Variants in ELOVL6 observed in about 807,000 individuals in gnomAD.
The protein encoded by ELOVL6 is very long chain fatty acid elongase 6.
In ELOVL6, 8 loss-of-function variants were observed where a neutral mutation model predicts 31.7. The observed-to-expected ratio is 0.25, with a 90% CI of 0.15 to 0.45. The LOEUF is 0.45. Ranked by LOEUF, ELOVL6 falls within the 20% of genes least tolerant of loss-of-function variation. The pLI, the probability that ELOVL6 is intolerant of heterozygous loss-of-function variation, is 1.00. For missense variants in ELOVL6, 126 were observed against 326.4 expected (o/e 0.39, Z 4.73); for synonymous variants, 101 against 117.7 (o/e 0.86, Z 0.92).
intron 2 of ELOVL6, among the ~76,000 whole-genome samples, chr4:110,065,878 A>AT (rs1755285568): frequency 6.6e-6 from 1 of 152,128 alleles, no homozygotes. Flanking sequence ...TTAAAAAAAA[A>AT]TTTTTACATT....
chr4:110,061,205 G>A (rs541954123), intron 2 of ELOVL6, among the ~76,000 whole-genome samples: 4 of 152,124 alleles, frequency 2.6e-5, no homozygotes, highest in South Asian at 4.2e-4. Flanking sequence ...TATCAGGACC[G>A]ACAAGGCCTC....
rs191813648 is a variant in ELOVL6 at position 110,148,058 on chromosome 4, G to A, written c.90-42430C>T. Among the ~76,000 whole-genome samples the A allele has an allele frequency of 2.8e-3, 404 of 146,754 alleles. 1 individual carries two copies. Among genetic ancestry groups the A allele is most frequent in the African/African-American group, 1.0e-2 (390 of 39,150 alleles). ...CAGGAGGCAGAGGTTGCAGTGAGCC[G>A]AGATTGTGCCATTGCAGTCCAACCT... On this transcript the variant is annotated intron_variant, in intron 1 of 3. Coordinates refer to ENST00000302274, the MANE Select transcript of ELOVL6 (RefSeq NM_024090.3).
intron 2 of ELOVL6, among the ~76,000 whole-genome samples, chr4:110,095,700 C>T (rs1756562473): frequency 6.6e-6 from 1 of 152,050 alleles, no homozygotes; most frequent in African/African-American, 2.4e-5. Context: ...AAACAATATG[C>T]TATGTAGAAT....
At chr4:110,097,874 T>C (rs1756631190) in intron 2 of ELOVL6, among the ~76,000 whole-genome samples, 1 of 152,092 alleles carries the variant, frequency 6.6e-6, no homozygotes, top group Non-Finnish European at 1.5e-5. Flanking sequence ...TTTACAAATA[T>C]GGCATTAGAA....
chr4:110,184,494 G>A (rs547760142), intron 1 of ELOVL6, among the ~76,000 whole-genome samples: 36 of 152,274 alleles, frequency 2.4e-4, no homozygotes, highest in Non-Finnish European at 4.4e-4. Context: ...ACATTAAGAA[G>A]GGAATTTGGT....
rs35622604 is a variant in ELOVL6, at chr4:110,158,658, T to TATA, written c.89+39588_89+39589insTAT. ...GTGTATATATATATATATATATATA[T>TATA]TTTTTTTTTTTTTTTTTTTGAGACA... On this transcript the variant is annotated intron_variant, in intron 1 of 3. Coordinates refer to ENST00000302274, the MANE Select transcript of ELOVL6 (RefSeq NM_024090.3). Among the ~76,000 whole-genome samples, 592 of 59,500 alleles carry TATA rather than the reference T, an allele frequency of 9.9e-3. 4 individuals carry two copies. The highest frequency in any genetic ancestry group is 0.027 in the South Asian group (51 of 1,894). The allele number at this position is 59,500 out of a possible 152,430, so 39.0% of individuals were successfully genotyped here. A position where few individuals can be genotyped will look rare whatever the true frequency, so the allele number is the denominator to read the frequency against.
chr4:110,098,367 A>G (rs1756650256), intron 2 of ELOVL6, among the ~76,000 whole-genome samples: 1 of 152,172 alleles, frequency 6.6e-6, no homozygotes, highest in African/African-American at 2.4e-5. Flanking sequence ...CATGGCTACA[A>G]TTGTTGCTCT....
Position 110,059,814 on chromosome 4 carries a change from A to C in ELOVL6, c.222-60T>G, listed in dbSNP as rs117898863. 1.2e-4 allele frequency: 183 copies of C among 1,512,488 alleles called. No individual in the cohort carries two copies. The East Asian group carries it at 4.1e-3, about 34-fold the overall frequency. The allele number at this position is 1,512,488 out of a possible 1,614,324, so 93.7% of individuals were successfully genotyped here. The stretch of plus-strand genomic sequence containing the variant: ...GGAAAATAGTTTCACTTCTCACATC[A>C]ACCATACTTAGAAGACTGGTTGGCC... On this transcript the variant is annotated intron_variant, in intron 2 of 3. Coordinates refer to ENST00000302274, the MANE Select transcript of ELOVL6 (RefSeq NM_024090.3).
intron 2 of ELOVL6, among the ~76,000 whole-genome samples, chr4:110,082,884 A>C (rs1237431768): frequency 6.7e-6 from 1 of 149,128 alleles, no homozygotes; most frequent in African/African-American, 2.6e-5. Context: ...ACAATTATCC[A>C]CAAACGCTTT....
intron 1 of ELOVL6, among the ~76,000 whole-genome samples, chr4:110,160,585 A>C (rs1758604784): frequency 6.6e-6 from 1 of 152,244 alleles, no homozygotes; most frequent in Non-Finnish European, 1.5e-5. Flanking sequence ...ATGGTGGTTA[A>C]GCTTCAGATA....
At chr4:110,187,806 A>C (rs1308882471) in intron 1 of ELOVL6, among the ~76,000 whole-genome samples, 1 of 152,198 alleles carries the variant, frequency 6.6e-6, no homozygotes, top group African/African-American at 2.4e-5. Context: ...GAATGGTCTA[A>C]GGCATACTAA....
In ELOVL6 at chr4:110,086,917, T is replaced by C. The variant is rs1003439548; in HGVS notation, c.221+18580A>G. 4.6e-5 allele frequency among the ~76,000 whole-genome samples: 7 copies of C among 152,132 alleles called. No individual in the cohort carries two copies. The East Asian group carries it at 9.6e-4, about 21-fold the overall frequency. On this transcript the variant is annotated intron_variant, in intron 2 of 3. Transcript: ENST00000302274. ...TTGATTATTTTGAAATATTCAAGGA[T>C]CTTATCCTTGAATGTGACCGTCCTA...
At chr4:110,099,293 A>C (rs1294203535) in intron 2 of ELOVL6, among the ~76,000 whole-genome samples, 2 of 151,856 alleles carry the variant, frequency 1.3e-5, no homozygotes, top group African/African-American at 4.9e-5. Flanking sequence ...GCTATATTTA[A>C]GCACTTTGTT....
At chr4:110,109,531 C>T (rs190351390) in intron 1 of ELOVL6, among the ~76,000 whole-genome samples, 140 of 152,306 alleles carry the variant, frequency 9.2e-4, no homozygotes, top group African/African-American at 3.1e-3. Context: ...CTGAATTTCT[C>T]TATCATACTA....
intron 1 of ELOVL6, among the ~76,000 whole-genome samples, chr4:110,162,825 A>G (rs1758668848): frequency 6.6e-6 from 1 of 152,218 alleles, no homozygotes; most frequent in African/African-American, 2.4e-5. Flanking sequence ...ATACTAGTTA[A>G]TAGACATTAT....
At chr4:110,110,050 G>T (rs909297109) in intron 1 of ELOVL6, among the ~76,000 whole-genome samples, 1 of 152,126 alleles carries the variant, frequency 6.6e-6, no homozygotes, top group African/African-American at 2.4e-5. Context: ...AGAGTCTGAC[G>T]CTGAGACAGA....
At chr4:110,179,702 A>C (rs191808618) in intron 1 of ELOVL6, among the ~76,000 whole-genome samples, 1 of 152,204 alleles carries the variant, frequency 6.6e-6, no homozygotes, top group Non-Finnish European at 1.5e-5. Context: ...CTTCATTCCA[A>C]ATGTCCTAGA....
chr4:110,120,623 T>C (rs367840294), intron 1 of ELOVL6, among the ~76,000 whole-genome samples: 1 of 152,100 alleles, frequency 6.6e-6, no homozygotes, highest in South Asian at 2.1e-4. Context: ...TTGATCAAAA[T>C]AGTAATTACT....
intron 1 of ELOVL6, among the ~76,000 whole-genome samples, chr4:110,140,225 A>G (rs928518343): frequency 4.6e-5 from 7 of 152,136 alleles, no homozygotes; most frequent in African/African-American, 1.7e-4. Flanking sequence ...TCTTTCCACA[A>G]GATGATAAAG....
Sources: allele counts gnomAD v4.1 joint callset (sites outside exome capture counted in the v4.1 genomes callset), GRCh38; gene constraint gnomAD v4.1.1; transcripts MANE v1.5; gene names NCBI Gene and HGNC (gene_info 2026-07-23, HGNC 2026-07-21).